Variants in LRRC37A observed in about 807,000 individuals in gnomAD.
LRRC37A encodes leucine-rich repeat-containing protein 37A.
LRRC37A carries 3 observed loss-of-function variants against 35.4 expected under a neutral mutation model. The observed-to-expected ratio is 0.08, with a 90% CI of 0.04 to 0.22. The LOEUF (loss-of-function observed/expected upper bound fraction) is 0.22, where lower values mean the gene tolerates loss of function less well. Ranked by LOEUF, LRRC37A falls within the 10% of genes least tolerant of loss-of-function variation. The pLI, the probability that LRRC37A is intolerant of heterozygous loss-of-function variation, is 1.00. For synonymous variants in LRRC37A, 23 were observed against 215.0 expected (o/e 0.11, Z 7.81); for missense variants, 67 against 565.3 (o/e 0.12, Z 8.94).
the LRRC37A span, among the ~76,000 whole-genome samples, chr17:46,279,966 T>G: frequency 2.6e-5 from 4 of 152,230 alleles, no homozygotes; most frequent in African/African-American, 9.6e-5. Flanking sequence ...AGTGCTCCAT[T>G]CTCCTGCTAG....
At chr17:46,258,440 A>C in the LRRC37A span, among the ~76,000 whole-genome samples, 20,336 of 150,464 alleles carry the variant, frequency 0.14, 1,406 homozygotes, top group Non-Finnish European at 0.2. Context: ...TGATCTCTTG[A>C]CCTTGTGATC....
At chr17:46,253,415 TG>T in the LRRC37A span, among the ~76,000 whole-genome samples, 1 of 151,920 alleles carries the variant, frequency 6.6e-6, no homozygotes, top group African/African-American at 2.4e-5. Context: ...AGGTGGAGGT[TG>T]TAGCCAGCCG....
chr17:46,279,500 C>CTTTTTTTTT, the LRRC37A span, among the ~76,000 whole-genome samples: 9 of 122,384 alleles, frequency 7.4e-5, no homozygotes, highest in Non-Finnish European at 6.5e-5. Context: ...TTCTTTCTTT[C>CTTTTTTTTT]TTTTTTTTTT....
At chr17:46,265,291 CTTCTTCTTCTTCTTCTTCTTCTTCCTCT>C in the LRRC37A span, among the ~76,000 whole-genome samples, 10 of 107,914 alleles carry the variant, frequency 9.3e-5, no homozygotes, top group East Asian at 7.7e-4. Flanking sequence ...TCTTCTTCTT[CTTCTTCTTCTTCTTCTTCTTCTTCCTCT>C]TCTTCTTTTT....
At chr17:46,284,428 T>A in the LRRC37A span, among the ~76,000 whole-genome samples, 2,680 of 123,738 alleles carry the variant, frequency 0.022, no homozygotes, top group Non-Finnish European at 0.036. Context: ...ACAGCACATG[T>A]CTCAGAGAGC....
Position 46,332,497 on chromosome 17 carries a change from G to A in LRRC37A, c.4705-55G>A, listed in dbSNP as rs2052016183. The stretch of plus-strand genomic sequence containing the variant: ...GTCAGCTACTCACCTGGAATACTGG[G>A]GTTTTGAATAGTTAGCTCTCATTCT... On this transcript the variant is annotated intron_variant, in intron 9 of 13. Coordinates refer to ENST00000320254, the Ensembl canonical transcript of LRRC37A. 4 of 1,085,984 alleles carry A rather than the reference G, an allele frequency of 3.7e-6. No homozygotes were observed. The Admixed American group carries it at 6.4e-5, about 17-fold the overall frequency. The allele number at this position is 1,085,984 out of a possible 1,614,324, so 67.3% of individuals were successfully genotyped here.
At chr17:46,290,075 C>T (rs2050024140), upstream of LRRC37A, among the ~76,000 whole-genome samples, 1 of 152,264 alleles carries the variant, frequency 6.6e-6, no homozygotes. Context: ...GCTGTGATGG[C>T]ACCACTGTGC....
the LRRC37A span, among the ~76,000 whole-genome samples, chr17:46,286,304 T>C: frequency 1.3e-5 from 2 of 152,252 alleles, no homozygotes; most frequent in African/African-American, 2.4e-5. Context: ...ACACTGTAAT[T>C]TTGGAGAACC....
chr17:46,268,640 T>G, the LRRC37A span: 1 of 1,551,878 alleles, frequency 6.4e-7, no homozygotes, highest in Non-Finnish European at 8.7e-7. Flanking sequence ...TGAAAAGGTT[T>G]AACCCAAAAA....
chr17:46,290,495 G>T (rs1386879573), upstream of LRRC37A, among the ~76,000 whole-genome samples: 1 of 152,226 alleles, frequency 6.6e-6, no homozygotes, highest in Non-Finnish European at 1.5e-5. Context: ...GTCTCGCTCT[G>T]TCGTGCAGTG....
the LRRC37A span, among the ~76,000 whole-genome samples, chr17:46,249,479 A>G: frequency 0.15 from 22,080 of 151,632 alleles, 2,233 homozygotes; most frequent in Non-Finnish European, 0.22. Flanking sequence ...AATTCTTGAT[A>G]AATCTTTCTT....
chr17:46,255,888 G>T, the LRRC37A span, among the ~76,000 whole-genome samples: 1 of 149,458 alleles, frequency 6.7e-6, no homozygotes, highest in Non-Finnish European at 1.5e-5. Flanking sequence ...TGTTAGCCAG[G>T]ATGGTCTCGA....
the LRRC37A span, among the ~76,000 whole-genome samples, chr17:46,260,766 G>T: frequency 6.6e-6 from 1 of 152,056 alleles, no homozygotes; most frequent in African/African-American, 2.4e-5. Flanking sequence ...TGGGATTACA[G>T]GCATGCGCCA....
At chr17:46,326,723 A>G (rs548495255) in intron 7 of LRRC37A, among the ~76,000 whole-genome samples, 1 of 19,596 alleles carries the variant, frequency 5.1e-5, no homozygotes, top group East Asian at 5.8e-4. Context: ...GCCAAGGAAC[A>G]GAGATTAAAC....
the LRRC37A span, among the ~76,000 whole-genome samples, chr17:46,252,236 T>TCGCTGTCAC: frequency 6.6e-6 from 1 of 152,114 alleles, no homozygotes; most frequent in Non-Finnish European, 1.5e-5. Context: ...AGACAGGATC[T>TCGCTGTCAC]CGCTGTCACC....
chr17:46,292,080 C>T (rs1204954297), upstream of LRRC37A, among the ~76,000 whole-genome samples: 2 of 143,730 alleles, frequency 1.4e-5, no homozygotes, highest in Non-Finnish European at 3.0e-5. Flanking sequence ...ACCTGCAATC[C>T]CAGCACTTTG....
the LRRC37A span, chr17:46,259,502 C>G: frequency 6.3e-7 from 1 of 1,594,346 alleles, no homozygotes; most frequent in Non-Finnish European, 8.6e-7. Context: ...GGGCCTGATA[C>G]AGGCTCTGCA....
chr17:46,253,155 A>G, the LRRC37A span, among the ~76,000 whole-genome samples: 9,300 of 119,110 alleles, frequency 0.078, 630 homozygotes, highest in Middle Eastern at 0.15. Context: ...AGATGGGGTC[A>G]CGGCCGGGCA....
At chr17:46,257,341 G>A in the LRRC37A span, among the ~76,000 whole-genome samples, 18,787 of 150,026 alleles carry the variant, frequency 0.13, no homozygotes, top group Non-Finnish European at 0.19. Flanking sequence ...CCAGTTACTC[G>A]GGAGGCTGAG....
Sources: gnomAD v4.1 joint callset for allele counts (sites outside exome capture counted in the v4.1 genomes callset) on GRCh38, gnomAD v4.1.1 for gene constraint, MANE v1.5 for transcripts, NCBI Gene and HGNC (gene_info 2026-07-23, HGNC 2026-07-21) for gene names.